The following PROCR variants were observed in gnomAD, a reference collection of about 807,000 sequenced individuals.
The protein encoded by PROCR is endothelial protein C receptor.
PROCR carries 22 observed loss-of-function variants against 24.2 expected under a neutral mutation model. The ratio of observed to expected loss-of-function variants is 0.91; its 90% CI spans 0.65 to 1.30. PROCR has a LOEUF of 1.30. Ranked by LOEUF, PROCR falls within the 50% of genes most tolerant of loss-of-function variation. The pLI, the probability that PROCR is intolerant of heterozygous loss-of-function variation, is 0.00. For synonymous variants in PROCR, 137 were observed against 139.2 expected, an observed-to-expected ratio of 0.98 and a Z score of 0.11; for missense variants, 288 against 307.7, an observed-to-expected ratio of 0.94 and a Z score of 0.48.
chr20:35,171,792 C>T (rs191888006), upstream of PROCR, among the ~76,000 whole-genome samples: 2 of 152,066 alleles, frequency 1.3e-5, no homozygotes, highest in Non-Finnish European at 2.9e-5. Context: ...TGCCCCACCC[C>T]CTGAGTCAGC....
intron 1 of PROCR, among the ~76,000 whole-genome samples, chr20:35,173,722 G>A (rs2085976013): frequency 1.3e-5 from 2 of 152,036 alleles, no homozygotes; most frequent in Admixed American, 6.6e-5. Context: ...GAGCCACCGC[G>A]CCCAGTCTCT....
chr20:35,209,315 A>G (rs894870438), intron 1 of PROCR, among the ~76,000 whole-genome samples: 8 of 152,230 alleles, frequency 5.3e-5, no homozygotes, highest in African/African-American at 1.7e-4. Flanking sequence ...GTTACTAAGC[A>G]GGGGAAGCCT....
intron 1 of PROCR, among the ~76,000 whole-genome samples, chr20:35,191,063 T>C (rs11904888): frequency 1.3e-5 from 2 of 152,126 alleles, no homozygotes; most frequent in Non-Finnish European, 2.9e-5. Context: ...TTTCACCATG[T>C]TGGCCAGGAT....
chr20:35,212,903 GC>G (rs2060367527), intron 1 of PROCR, among the ~76,000 whole-genome samples: 1 of 152,180 alleles, frequency 6.6e-6, no homozygotes. Context: ...GTTTTATCAT[GC>G]CCTCTTTAAC....
rs186899359 is a variant in PROCR at position 35,176,238 on chromosome 20, C to T, written c.393C>T (p.Phe131=). Reference sequence around the variant, plus strand: ...AGGGCTCTAGAGCCCATGTCTTCTTCGAAGTGGCTGTGAATGGGAGCTCCT... The same window carrying T: ...AGGGCTCTAGAGCCCATGTCTTCTTTGAAGTGGCTGTGAATGGGAGCTCCT... ...PPEGSRAHVF[F]EVAVNGSSFV... Residue 131 remains phenylalanine, a synonymous_variant, in exon 3 of 4, where the codon TTC becomes TTT. Transcript: ENST00000216968. 5.4e-4 allele frequency: 878 copies of T among 1,614,178 alleles called. 8 individuals are homozygous for T. In the Middle Eastern group the frequency reaches 0.011, roughly 21 times the overall value.
At position 35,176,395 on chromosome 20, in the gene PROCR, GAC is replaced by G; in HGVS notation, c.553_554del (p.Thr185LeufsTer66). 6.2e-7 allele frequency: 1 copy of G among 1,614,202 alleles called. No individual in the cohort carries two copies. Among genetic ancestry groups the G allele is most frequent in the Non-Finnish European group, 8.5e-7 (1 of 1,180,032 alleles). On this transcript the variant is annotated frameshift_variant, in exon 3 of 4. Coordinates refer to ENST00000216968, the MANE Select transcript of PROCR (RefSeq NM_006404.5). LOFTEE classifies it high-confidence loss of function. ...TRYELREFLE[D>X]TCVQYVQKHI... Reference sequence around the variant, plus strand: ...GTATGAACTGCGGGAATTCCTGGAGGACACCTGTGTGCAGTATGTGCAGAAAC... The same window carrying G: ...GTATGAACTGCGGGAATTCCTGGAGGACCTGTGTGCAGTATGTGCAGAAAC...
At chr20:35,173,141 C>G (rs1333275367) in intron 1 of PROCR, among the ~76,000 whole-genome samples, 1 of 152,160 alleles carries the variant, frequency 6.6e-6, no homozygotes, top group Non-Finnish European at 1.5e-5. Context: ...TTTACAACCC[C>G]GGACTCATCC....
downstream of PROCR, among the ~76,000 whole-genome samples, chr20:35,178,520 T>TTTG (rs2086048134): frequency 1.9e-5 from 1 of 52,010 alleles, no homozygotes; most frequent in Non-Finnish European, 3.5e-5. Flanking sequence ...TTTTTTTTTT[T>TTTG]TTTTTTTTTT....
chr20:35,173,716 C>T (rs1246488671), intron 1 of PROCR, among the ~76,000 whole-genome samples: 2 of 152,136 alleles, frequency 1.3e-5, no homozygotes, highest in Non-Finnish European at 2.9e-5. Context: ...AGGCATGAGC[C>T]ACCGCGCCCA....
At position 35,177,164 on chromosome 20, in the gene PROCR, A is replaced by C. The variant is rs1279969772; in HGVS notation, c.*351A>C. ...ATCACCTGAGGCGTTCAAAAGATAT[A>C]ACCAAATAAACAAGTCATCCACAAT... On this transcript the variant is annotated 3_prime_UTR_variant, in exon 4 of 4. Coordinates refer to ENST00000216968, the MANE Select transcript of PROCR (RefSeq NM_006404.5). 1 of 1,144,572 alleles carries C rather than the reference A, an allele frequency of 8.7e-7. No homozygotes were observed. Among genetic ancestry groups the C allele is most frequent in the African/African-American group, 1.6e-5 (1 of 62,282 alleles). The allele number at this position is 1,144,572 out of a possible 1,614,324, so 70.9% of individuals were successfully genotyped here.
At chr20:35,190,465 C>G (rs115714730) in intron 1 of PROCR, among the ~76,000 whole-genome samples, 1 of 152,312 alleles carries the variant, frequency 6.6e-6, no homozygotes, top group African/African-American at 2.4e-5. Flanking sequence ...ACCTTGCCCC[C>G]TTTTCCCACC....
At chr20:35,190,526 T>A (rs2146162821) in intron 1 of PROCR, among the ~76,000 whole-genome samples, 1 of 152,342 alleles carries the variant, frequency 6.6e-6, no homozygotes, top group African/African-American at 2.4e-5. Flanking sequence ...TTTTTCAGTA[T>A]GTTTATTTTT....
chr20:35,177,194 A>C lies in PROCR; in HGVS notation c.*381A>C. 8.9e-7 allele frequency: 1 copy of C among 1,122,372 alleles called. No individual in the cohort carries two copies. The highest frequency in any genetic ancestry group is 2.3e-5 in the South Asian group (1 of 43,904). The allele number at this position is 1,122,372 out of a possible 1,614,324, so 69.5% of individuals were successfully genotyped here. ...AATAAACAAGTCATCCACAATCAAAATACAACATTCAATACTTCCAGGTGT... is the reference window on the plus strand; with the variant it reads ...AATAAACAAGTCATCCACAATCAAACTACAACATTCAATACTTCCAGGTGT... On this transcript the variant is annotated 3_prime_UTR_variant, in exon 4 of 4. Coordinates refer to ENST00000216968, the MANE Select transcript of PROCR (RefSeq NM_006404.5).
At chr20:35,176,069 T>G (rs964684492) in intron 2 of PROCR, 99 bp from the exon 3 acceptor site, 1 of 1,375,010 alleles carries the variant, frequency 7.3e-7, no homozygotes, top group Non-Finnish European at 1.0e-6. Flanking sequence ...CTCACAGCAC[T>G]GACTCTTGCC....
intron 1 of PROCR, among the ~76,000 whole-genome samples, chr20:35,195,812 G>A (rs1201629942): frequency 8.3e-6 from 1 of 119,904 alleles, no homozygotes; most frequent in Non-Finnish European, 1.6e-5. Flanking sequence ...CAGAGCAAGA[G>A]TCTGTCTCAA....
chr20:35,176,660 G>T, intron 3 of PROCR, 38 bp from the exon 4 acceptor site: 2 of 1,581,400 alleles, frequency 1.3e-6, no homozygotes, highest in South Asian at 1.1e-5. Flanking sequence ...ACTCCTTGGG[G>T]GCCTATTCTT....
intron 1 of PROCR, among the ~76,000 whole-genome samples, chr20:35,214,365 A>C (rs1407065673): frequency 6.6e-6 from 1 of 152,184 alleles, no homozygotes. Context: ...TTATTCATAA[A>C]TTCGTAAGTA....
At chr20:35,208,344 C>T (rs1200415834) in intron 1 of PROCR, among the ~76,000 whole-genome samples, 1 of 152,206 alleles carries the variant, frequency 6.6e-6, no homozygotes, top group East Asian at 1.9e-4. Context: ...TGCTCTGTGT[C>T]TGTTTATTCA....
upstream of PROCR, among the ~76,000 whole-genome samples, chr20:35,171,325 C>G (rs146473859): frequency 7.5e-4 from 114 of 152,320 alleles, no homozygotes; most frequent in African/African-American, 2.6e-3. Flanking sequence ...TGACATAACA[C>G]TTTCTCTTAC....
Sources: allele counts gnomAD v4.1 joint callset (sites outside exome capture counted in the v4.1 genomes callset), GRCh38; gene constraint gnomAD v4.1.1; transcripts MANE v1.5; gene names NCBI Gene and HGNC (gene_info 2026-07-23, HGNC 2026-07-21).